Variants in KDM4B observed in about 807,000 individuals in gnomAD.
The protein encoded by KDM4B is lysine demethylase 4B, also known as lysine-specific demethylase 4B.
KDM4B carries 32 observed loss-of-function variants against 125.2 expected under a neutral mutation model. The ratio of observed to expected loss-of-function variants is 0.26; its 90% CI spans 0.19 to 0.34. KDM4B has a LOEUF of 0.34. KDM4B is among the 10% of genes least tolerant of loss of function. KDM4B has a pLI of 1.00. For missense variants in KDM4B, 1,190 were observed against 1,577.7 expected (o/e 0.75, Z 4.16); for synonymous variants, 721 against 677.9 (o/e 1.06, Z -0.99).
chr19:5,090,272 C>T (rs1288097927), intron 9 of KDM4B, among the ~76,000 whole-genome samples: 1 of 151,972 alleles, frequency 6.6e-6, no homozygotes, highest in Non-Finnish European at 1.5e-5. Flanking sequence ...CCTCGCCAGG[C>T]TGAGGCTTAG....
rs1400314439 is a variant in KDM4B at position 4,969,650 on chromosome 19, AGAAAAAG to A, written c.-109+428_-109+434del. 3.9e-5 allele frequency among the ~76,000 whole-genome samples: 6 copies of A among 152,052 alleles called. No homozygotes were observed. The East Asian group carries it at 1.2e-3, about 30-fold the overall frequency. ...TTATTATTATTTTTGAAAGAAAGCA[AGAAAAAG>A]GAAAAAGACCCCAGCCCCTGGGTAA... On this transcript the variant is annotated intron_variant, in intron 1 of 22. Coordinates refer to ENST00000159111, the MANE Select transcript of KDM4B (RefSeq NM_015015.3).
At chr19:5,143,313 A>G (rs1220493020) in intron 18 of KDM4B, among the ~76,000 whole-genome samples, 1 of 113,232 alleles carries the variant, frequency 8.8e-6, no homozygotes, top group East Asian at 3.1e-4. Context: ...CAGAGCACCC[A>G]GGCTCAAAAA....
At chr19:5,020,503 G>T (rs562855826) in intron 2 of KDM4B, among the ~76,000 whole-genome samples, 1 of 152,130 alleles carries the variant, frequency 6.6e-6, no homozygotes, top group Non-Finnish European at 1.5e-5. Flanking sequence ...CCCACCAGCC[G>T]TGCATGAGGG....
chr19:4,984,544 A>T (rs536728219), intron 1 of KDM4B, among the ~76,000 whole-genome samples: 1 of 152,174 alleles, frequency 6.6e-6, no homozygotes, highest in Admixed American at 6.5e-5. Flanking sequence ...CCCCAAGACC[A>T]GGACTCCGCG....
chr19:4,983,994 A>G (rs2034741026), intron 1 of KDM4B, among the ~76,000 whole-genome samples: 2 of 152,186 alleles, frequency 1.3e-5, no homozygotes, highest in African/African-American at 2.4e-5. Flanking sequence ...TTGGTGAAGT[A>G]GTTCTCACCC....
chr19:5,052,757 C>T (rs923023126), intron 6 of KDM4B, among the ~76,000 whole-genome samples: 10 of 152,220 alleles, frequency 6.6e-5, no homozygotes, highest in Admixed American at 3.9e-4. Context: ...CTGGCGAGCC[C>T]GTCCCAGGCA....
chr19:5,126,228 T>A (rs999002698), intron 11 of KDM4B, among the ~76,000 whole-genome samples: 1 of 152,132 alleles, frequency 6.6e-6, no homozygotes, highest in Non-Finnish European at 1.5e-5. Context: ...GTTGAGAGGC[T>A]GCTTCCCAGT....
intron 9 of KDM4B, among the ~76,000 whole-genome samples, chr19:5,110,022 C>T (rs2039109944): frequency 6.6e-6 from 1 of 152,220 alleles, no homozygotes; most frequent in Admixed American, 6.5e-5. Context: ...GACAGCTGTG[C>T]GTGGGGCAGT....
rs60559482 is a variant in KDM4B at position 5,041,641 on chromosome 19, C to T, written c.432+390C>T. Among the ~76,000 whole-genome samples, 1,470 of 152,362 alleles carry T rather than the reference C, an allele frequency of 9.6e-3. 27 individuals are homozygous for T. Among genetic ancestry groups the T allele is most frequent in the African/African-American group, 0.033 (1,380 of 41,590 alleles). On this transcript the variant is annotated intron_variant, in intron 5 of 22. Coordinates refer to ENST00000159111, the MANE Select transcript of KDM4B (RefSeq NM_015015.3). ...GGATTCGGCTCCAACCCGGTCCTGA[C>T]TTGGGCTCAGGGCCCGGAGACACTG...
Position 5,141,291 on chromosome 19 carries a change from C to T in KDM4B, c.2551-2676C>T, listed in dbSNP as rs995995773. 2 of 146,300 alleles carry T rather than the reference C, an allele frequency of 1.4e-5. No homozygotes were observed. The highest frequency in any genetic ancestry group is 4.2e-4 in the South Asian group (2 of 4,756). 9.1% of individuals were successfully genotyped at this position (146,300 alleles called of 1,614,324 possible). ...GGGCACGGCCAGGCGATTAGGAAGC[C>T]GGCAGCCCGCGGGTGATGCTTCCGA... On this transcript the variant is annotated intron_variant, in intron 18 of 22. Coordinates refer to ENST00000159111, the MANE Select transcript of KDM4B (RefSeq NM_015015.3). The surrounding 1 kb of genome is among the most constrained non-coding windows in gnomAD (Gnocchi z 6.4).
Position 5,135,575 on chromosome 19 carries a change from T to C in KDM4B, c.2308+14T>C, listed in dbSNP as rs377379744. On this transcript the variant is annotated intron_variant, in intron 15 of 22. Coordinates refer to ENST00000159111, the MANE Select transcript of KDM4B (RefSeq NM_015015.3). ...AGGTCCATGCCAGTGAGTGCCACTG[T>C]GGGGCCCAGAGGAGCTGCGCCCTCC... is the stretch of plus-strand genomic sequence containing the variant. 6.0e-5 allele frequency: 94 copies of C among 1,574,720 alleles called. 1 individual carries two copies. In the Admixed American group the frequency reaches 1.7e-3, roughly 28 times the overall value.
intron 9 of KDM4B, among the ~76,000 whole-genome samples, chr19:5,095,978 C>T (rs7254606): frequency 0.34 from 51,028 of 152,208 alleles, 9,989 homozygotes; most frequent in African/African-American, 0.54. Flanking sequence ...GGCAGGCTGC[C>T]GAAAAGTCAG....
intron 2 of KDM4B, among the ~76,000 whole-genome samples, chr19:5,031,191 G>A (rs1255714253): frequency 6.6e-6 from 1 of 152,240 alleles, no homozygotes; most frequent in African/African-American, 2.4e-5. Flanking sequence ...GGGCCTGTGG[G>A]GTTGGCGGGG....
intron 7 of KDM4B, among the ~76,000 whole-genome samples, chr19:5,071,447 G>A (rs149898929): frequency 9.8e-4 from 150 of 152,354 alleles, no homozygotes; most frequent in East Asian, 5.6e-3. Context: ...CCTAGGAAAG[G>A]AGACAATTCA....
At chr19:5,077,708 C>T in intron 8 of KDM4B, 1 of 506,464 alleles carries the variant, frequency 2.0e-6, no homozygotes, top group South Asian at 2.6e-5. Flanking sequence ...CCAAACCAAA[C>T]CAAAACTTCC....
chr19:5,048,106 G>T (rs2037087433), intron 6 of KDM4B, among the ~76,000 whole-genome samples: 1 of 152,208 alleles, frequency 6.6e-6, no homozygotes, highest in African/African-American at 2.4e-5. Flanking sequence ...CTCCGCCCTG[G>T]CACGTCTGGG....
chr19:5,140,021 C>T (rs1050833438), intron 18 of KDM4B, among the ~76,000 whole-genome samples: 1 of 152,188 alleles, frequency 6.6e-6, no homozygotes, highest in African/African-American at 2.4e-5. Flanking sequence ...CTCTCTGTGC[C>T]TCGGCCGTCC....
intron 7 of KDM4B, among the ~76,000 whole-genome samples, chr19:5,071,590 G>C (rs1484720755): frequency 6.6e-6 from 1 of 152,240 alleles, no homozygotes; most frequent in African/African-American, 2.4e-5. Context: ...GCGTTCATGT[G>C]CTCCCTGGGG....
intron 9 of KDM4B, among the ~76,000 whole-genome samples, chr19:5,108,888 C>T (rs193045854): frequency 9.2e-5 from 14 of 152,234 alleles, no homozygotes; most frequent in Non-Finnish European, 1.9e-4. Context: ...GTCTGTGCCC[C>T]GTTCAGACGG....
Sources: gnomAD v4.1 joint callset for allele counts (sites outside exome capture counted in the v4.1 genomes callset) on GRCh38, gnomAD v4.1.1 for gene constraint, Gnocchi (gnomAD v3.1) non-coding constraint, MANE v1.5 for transcripts, NCBI Gene and HGNC (gene_info 2026-07-23, HGNC 2026-07-21) for gene names.